Variants in RNF10 observed in about 807,000 individuals in gnomAD.
RNF10 encodes ring finger protein 10.
Under a neutral mutation model 91.4 loss-of-function variants are expected in RNF10, and 38 were observed. That is an observed-to-expected ratio of 0.42 (90% CI 0.32 to 0.54). The LOEUF (loss-of-function observed/expected upper bound fraction) is 0.54. Among genes scored for constraint, RNF10 ranks in the 20% least tolerant of loss-of-function variants. The pLI is 0.16. For missense variants in RNF10, 945 were observed against 1,012.0 expected (o/e 0.93, Z 0.90); for synonymous variants, 364 against 366.3 (o/e 0.99, Z 0.07).
intron 13 of RNF10, 47 bp from the exon 14 acceptor site, chr12:120,571,144 C>T: frequency 2.3e-6 from 3 of 1,307,508 alleles, no homozygotes; most frequent in Non-Finnish European, 3.3e-6. Context: ...GTTAAGGACA[C>T]CCCTTGGAAC....
Position 120,552,596 on chromosome 12 carries a change from G to A in RNF10, c.452G>A (p.Arg151His), listed in dbSNP as rs767878008. 2.8e-5 allele frequency: 45 copies of A among 1,614,030 alleles called. No individual in the cohort carries two copies. Among genetic ancestry groups the A allele is most frequent in the South Asian group, 3.3e-5 (3 of 91,090 alleles). ...NHLLNFTFEP[R>H]GQTGHFEGSG... ...TTGTTGAATTTCACTTTTGAACCCC[G>A]TGGCCAGACGGGTCACTTTGAAGGC... The change falls in exon 3 of 17, where the codon CGT becomes CAT. Residue 151 changes from arginine to histidine, a missense_variant. Transcript: ENST00000325954.
chr12:120,565,598 A>T, intron 12 of RNF10, 69 bp downstream of exon 12: 2 of 1,354,844 alleles, frequency 1.5e-6, no homozygotes, highest in Non-Finnish European at 2.1e-6. Context: ...TGTGTCTGGG[A>T]CCTGGGAGCC....
At chr12:120,551,238 G>A in intron 2 of RNF10, among the ~76,000 whole-genome samples, 1 of 149,140 alleles carries the variant, frequency 6.7e-6, no homozygotes, top group Non-Finnish European at 1.5e-5. Flanking sequence ...CTCCCTCCTT[G>A]GCCTCCTAAA....
Position 120,540,130 on chromosome 12 carries a change from C to CT in RNF10, c.157+5174dup, listed in dbSNP as rs5801387. On this transcript the variant is annotated intron_variant, in intron 1 of 16. Transcript: ENST00000325954. ...GGGCCCCTTCCTAGGAATTTATTAT[C>CT]TTTTTTTTTTTTGTAGAGATGGGGG... 3.2e-3 allele frequency among the ~76,000 whole-genome samples: 460 copies of CT among 143,332 alleles called. 2 individuals are homozygous for CT. The highest frequency in any genetic ancestry group is 8.5e-3 in the African/African-American group (327 of 38,488). 94.0% of individuals were successfully genotyped at this position (143,332 alleles called of 152,430 possible).
At chr12:120,560,678 G>A (rs787949) in intron 6 of RNF10, 48 bp from the exon 7 acceptor site, 1,571,085 of 1,579,828 alleles carry the variant, frequency 0.99, 781,419 homozygotes, top group East Asian at 1. Context: ...CTACACCATC[G>A]TGAGCTTTGA....
At chr12:120,544,569 G>A (rs1283555315) in intron 1 of RNF10, among the ~76,000 whole-genome samples, 1 of 151,950 alleles carries the variant, frequency 6.6e-6, no homozygotes, top group Non-Finnish European at 1.5e-5. Context: ...AAGTGGGAGG[G>A]TGGCTTGAGC....
intron 4 of RNF10, 54 bp from the exon 5 acceptor site, chr12:120,557,228 C>A: frequency 6.4e-7 from 1 of 1,556,696 alleles, no homozygotes. Context: ...AAAACTTTGA[C>A]AGTCCCTAAT....
chr12:120,565,196 AT>A lies in RNF10; in HGVS notation c.1783+8del. On this transcript the variant is annotated splice_region_variant and intron_variant, in intron 11 of 16. Transcript: ENST00000325954. ...ACCCTAGAGATGTTCTCAGGTGAGAATGCCCCTGCTCTGCTTCTCTTTATAG... is the reference window on the plus strand; with the variant it reads ...ACCCTAGAGATGTTCTCAGGTGAGAAGCCCCTGCTCTGCTTCTCTTTATAG... 1 of 1,557,578 alleles carries A rather than the reference AT, an allele frequency of 6.4e-7. No individual in the cohort carries two copies. Among genetic ancestry groups the A allele is most frequent in the Non-Finnish European group, 8.9e-7 (1 of 1,128,558 alleles).
chr12:120,534,498 G>T lies in RNF10; in HGVS notation c.-314G>T, dbSNP rs1450019425. On this transcript the variant is annotated 5_prime_UTR_variant, in exon 1 of 17. Coordinates refer to ENST00000325954, the MANE Select transcript of RNF10 (RefSeq NM_014868.5). ...GCCTCGCGGCGGGAGAGCGTGTCCG[G>T]CCGGCCGGCCGGCGGGGCTCGCGCA... The T allele has an allele frequency of 2.3e-5, 5 of 220,236 alleles. No homozygotes were observed. In the East Asian group the frequency reaches 3.7e-4, roughly 16 times the overall value. 13.6% of individuals were successfully genotyped at this position (220,236 alleles called of 1,614,324 possible).
Position 120,563,358 on chromosome 12 carries a change from G to A in RNF10, c.1266G>A (p.Glu422=), listed in dbSNP as rs774407546. 1 of 1,611,364 alleles carries A rather than the reference G, an allele frequency of 6.2e-7. No homozygotes were observed. ...GTTTGCTGCAACAGGGTGTGCTGGA[G>A]TATCTGTCTGCCTTCGATGAAGAAA... ...SVFQPRKGVL[E]YLSAFDEETT... The change falls in exon 9 of 17, where the codon GAG becomes GAA. Residue 422 remains glutamate (E), a synonymous_variant. Transcript: ENST00000325954.
rs752063427 is a variant in RNF10 at position 120,557,333 on chromosome 12, A to G, written c.697A>G (p.Thr233Ala). The change falls in exon 5 of 17, where the codon ACT (threonine) becomes GCT (alanine). Residue 233 changes from threonine to alanine, a missense_variant. Coordinates refer to ENST00000325954, the MANE Select transcript of RNF10 (RefSeq NM_014868.5). ...TTGCCCAATATGCCTCTATCCACCT[A>G]CTGCAGCCAAGATAACCCGTTGTGG... ...PSCPICLYPP[T>A]AAKITRCGHI... 2.5e-6 allele frequency: 4 copies of G among 1,614,030 alleles called. No homozygotes were observed. Among genetic ancestry groups the G allele is most frequent in the Admixed American group, 1.7e-5 (1 of 59,986 alleles).
chr12:120,551,290 G>GTTTTTGTTTT, intron 2 of RNF10, among the ~76,000 whole-genome samples: 1 of 83,198 alleles, frequency 1.2e-5, no homozygotes, highest in African/African-American at 4.7e-5. Context: ...CCATCCTAGT[G>GTTTTTGTTTT]TTTTTTTTTT....
chr12:120,561,041 G>T (rs1874768802), intron 7 of RNF10, among the ~76,000 whole-genome samples, 155 bp downstream of exon 7: 1 of 152,198 alleles, frequency 6.6e-6, no homozygotes, highest in African/African-American at 2.4e-5. Flanking sequence ...AATAAGCAGA[G>T]AATGGCTAAA....
chr12:120,571,766 T>G (rs1876661507), intron 14 of RNF10, among the ~76,000 whole-genome samples: 2 of 152,182 alleles, frequency 1.3e-5, no homozygotes, highest in Admixed American at 1.3e-4. Context: ...GACCTCTGAT[T>G]CAGGTGGTAT....
chr12:120,572,921 T>A (rs1014785717), intron 14 of RNF10, among the ~76,000 whole-genome samples: 1 of 150,320 alleles, frequency 6.7e-6, no homozygotes, highest in Non-Finnish European at 1.5e-5. Context: ...TTTTTTTTTT[T>A]AAACTAGGCT....
intron 1 of RNF10, among the ~76,000 whole-genome samples, chr12:120,540,761 C>T (rs1871427908): frequency 6.6e-6 from 1 of 151,966 alleles, no homozygotes; most frequent in Non-Finnish European, 1.5e-5. Context: ...TATCAGTGAG[C>T]ATTTCTGTAA....
At chr12:120,559,062 A>C (rs1344403578) in intron 6 of RNF10, among the ~76,000 whole-genome samples, 3 of 52,702 alleles carry the variant, frequency 5.7e-5, no homozygotes, top group Non-Finnish European at 1.5e-4. Flanking sequence ...TTAATTTTAA[A>C]TTATTTTTTT....
chr12:120,536,461 AAAC>A (rs1870817750), intron 1 of RNF10, among the ~76,000 whole-genome samples: 1 of 151,240 alleles, frequency 6.6e-6, no homozygotes, highest in South Asian at 2.1e-4. Context: ...GACTTAAAAC[AAAC>A]AAAAAAAACA....
At chr12:120,559,022 TAA>T (rs1029788888) in intron 6 of RNF10, among the ~76,000 whole-genome samples, 1 of 149,228 alleles carries the variant, frequency 6.7e-6, no homozygotes, top group African/African-American at 2.5e-5. Flanking sequence ...TTAAAATAAT[TAA>T]AATTAATTTA....
Sources: gnomAD v4.1 joint callset for allele counts (sites outside exome capture counted in the v4.1 genomes callset) on GRCh38, gnomAD v4.1.1 for gene constraint, MANE v1.5 for transcripts, NCBI Gene and HGNC (gene_info 2026-07-23, HGNC 2026-07-21) for gene names.